RAB27A: variants seen among roughly 807,000 people sequenced by gnomAD.
RAB27A encodes ras-related protein Rab-27A.
In RAB27A, 17 loss-of-function variants were observed where a neutral mutation model predicts 20.8. That is an observed-to-expected ratio of 0.82 (90% confidence interval 0.56 to 1.23). The LOEUF (loss-of-function observed/expected upper bound fraction) is 1.23. Among genes scored for constraint, RAB27A ranks in the 50% most tolerant of loss-of-function variants. The pLI, the probability that RAB27A is intolerant of heterozygous loss-of-function variation, is 0.00. For synonymous variants in RAB27A, 85 were observed against 92.8 expected (o/e 0.92, Z 0.48); for missense variants, 277 against 266.7 (o/e 1.04, Z -0.27).
chr15:55,255,467 C>T (rs1742473908), intron 2 of RAB27A, among the ~76,000 whole-genome samples: 1 of 152,160 alleles, frequency 6.6e-6, no homozygotes, highest in South Asian at 2.1e-4. Context: ...CACTACCCCT[C>T]ACCACTGGAC....
intron 6 of RAB27A, among the ~76,000 whole-genome samples, chr15:55,223,636 A>G (rs938435898): frequency 2.6e-5 from 4 of 152,218 alleles, no homozygotes; most frequent in Non-Finnish European, 5.9e-5. Flanking sequence ...CCTCTGAGAC[A>G]ACTCAAAGTT....
chr15:55,245,976 C>T (rs1896669130), intron 2 of RAB27A, among the ~76,000 whole-genome samples: 1 of 151,974 alleles, frequency 6.6e-6, no homozygotes, highest in Admixed American at 6.6e-5. Flanking sequence ...CCCAGCTACT[C>T]AGGAGGGTGA....
At chr15:55,271,934 A>G (rs1897720542) in intron 1 of RAB27A, among the ~76,000 whole-genome samples, 1 of 152,162 alleles carries the variant, frequency 6.6e-6, no homozygotes, top group Non-Finnish European at 1.5e-5. Context: ...ATGAAATGGA[A>G]TTTTCGTTTC....
Position 55,205,662 on chromosome 15 carries a change from TTA to T in RAB27A, c.509_510del (p.Ile170LysfsTer5), listed in dbSNP as rs775325548. The T allele has an allele frequency of 1.9e-6, 3 of 1,614,044 alleles. No individual in the cohort carries two copies. The East Asian group carries it at 6.7e-5, about 36-fold the overall frequency. On this transcript the variant is annotated frameshift_variant, in exon 7 of 7. Transcript: ENST00000336787. LOFTEE classifies it high-confidence loss of function. ...FETSAANGTN[I>X]SQAIEMLLDL... is the part of the protein sequence containing the mutation. The stretch of plus-strand genomic sequence containing the variant: ...TCCAGAAGCATCTCAATTGCTTGGC[TTA>T]TGTTTGTCCCATTGGCAGCACTAGT...
rs191836207 is a variant in RAB27A, at chr15:55,211,252, T to G, written c.468-5547A>C. 1.2e-4 allele frequency among the ~76,000 whole-genome samples: 18 copies of G among 152,310 alleles called. No homozygotes were observed. The East Asian group carries it at 3.5e-3, about 29-fold the overall frequency. On this transcript the variant is annotated intron_variant, in intron 6 of 6. Coordinates refer to ENST00000336787, the MANE Select transcript of RAB27A (RefSeq NM_183235.3). ...TCAGTTATTGAGGGTCTTTTGTGGT[T>G]CCATATAAATTTTAGGATTTTTTTC... is the stretch of plus-strand genomic sequence containing the variant.
chr15:55,317,344 T>A (rs2055054237), intron 1 of RAB27A: 1 of 181,720 alleles, frequency 5.5e-6, no homozygotes, highest in Admixed American at 6.2e-5. Flanking sequence ...AGATGGAGTC[T>A]CGCTCTGTCA....
chr15:55,225,982 T>TA (rs1170825767), intron 5 of RAB27A, among the ~76,000 whole-genome samples: 1 of 152,174 alleles, frequency 6.6e-6, no homozygotes, highest in East Asian at 1.9e-4. Context: ...TCCAGTTGGT[T>TA]AAAAAATGGG....
chr15:55,222,611 C>T (rs1031952746), intron 6 of RAB27A, among the ~76,000 whole-genome samples: 4 of 152,188 alleles, frequency 2.6e-5, no homozygotes, highest in African/African-American at 9.7e-5. Context: ...ACCTGGCCAA[C>T]CTATCCTCCC....
chr15:55,217,770 A>AC (rs1566902325), intron 6 of RAB27A, among the ~76,000 whole-genome samples: 2 of 150,900 alleles, frequency 1.3e-5, no homozygotes, highest in African/African-American at 4.9e-5. Context: ...TGGTGGTGCT[A>AC]ATGTAGCACC....
At chr15:55,301,282 A>T (rs2054970375) in intron 2 of RAB27A, among the ~76,000 whole-genome samples, 1 of 152,214 alleles carries the variant, frequency 6.6e-6, no homozygotes, top group African/African-American at 2.4e-5. Context: ...TGGTAGAGAC[A>T]GGTTCAACAT....
At chr15:55,220,237 G>T (rs897510681) in intron 6 of RAB27A, among the ~76,000 whole-genome samples, 3 of 150,538 alleles carry the variant, frequency 2.0e-5, no homozygotes, top group East Asian at 1.9e-4. Flanking sequence ...ATGATCTGGG[G>T]TTTTTTTGTT....
chr15:55,290,411 G>T (rs368787793), upstream of RAB27A: 4 of 152,354 alleles, frequency 2.6e-5, no homozygotes, highest in South Asian at 6.2e-4. Context: ...AAATAACATG[G>T]GAGAAAAATA....
intron 1 of RAB27A, chr15:55,288,923 C>T (rs1450316035): frequency 1.3e-5 from 2 of 152,168 alleles, no homozygotes; most frequent in Non-Finnish European, 2.9e-5. Context: ...AATCCCTCTA[C>T]CCCCAATTCC....
intron 1 of RAB27A, among the ~76,000 whole-genome samples, chr15:55,318,167 G>A (rs1595760586): frequency 6.8e-6 from 1 of 147,672 alleles, no homozygotes; most frequent in Admixed American, 6.8e-5. Flanking sequence ...GCGCAATCTC[G>A]GCTCACTGCA....
chr15:55,244,749 A>G (rs576466676), intron 2 of RAB27A, among the ~76,000 whole-genome samples: 1 of 152,334 alleles, frequency 6.6e-6, no homozygotes, highest in Non-Finnish European at 1.5e-5. Context: ...CAAATAGCAC[A>G]GAACATCAGC....
intron 2 of RAB27A, among the ~76,000 whole-genome samples, chr15:55,258,190 G>A (rs1476677340): frequency 2.0e-5 from 3 of 151,726 alleles, no homozygotes; most frequent in Non-Finnish European, 2.9e-5. Flanking sequence ...TAAGAGGTTA[G>A]AACCCTTCTC....
rs1033471588 is a variant in RAB27A at position 55,308,941 on chromosome 15, T to A, written c.-112+5098A>T. Among the ~76,000 whole-genome samples the A allele has an allele frequency of 2.0e-5, 3 of 152,236 alleles. No individual in the cohort carries two copies. In the South Asian group the frequency reaches 6.2e-4, roughly 31 times the overall value. ...CTACATCAATTTCCTTATTCAGGTA[T>A]GCCACGGGTTGCAAGCTCGTCCCTC... On this transcript the variant is annotated intron_variant, in intron 2 of 5. Transcript: ENST00000563262.
At chr15:55,258,924 A>C in intron 2 of RAB27A, among the ~76,000 whole-genome samples, 1 of 152,158 alleles carries the variant, frequency 6.6e-6, no homozygotes, top group East Asian at 1.9e-4. Flanking sequence ...TCCTGCATTC[A>C]AGTGATTCTC....
intron 1 of RAB27A, among the ~76,000 whole-genome samples, chr15:55,272,976 A>T (rs1897751626): frequency 6.6e-6 from 1 of 152,228 alleles, no homozygotes; most frequent in Non-Finnish European, 1.5e-5. Flanking sequence ...TCATCTGCTT[A>T]AAAAGCAGCT....
Sources: gnomAD v4.1 joint callset for allele counts (sites outside exome capture counted in the v4.1 genomes callset) on GRCh38, gnomAD v4.1.1 for gene constraint, MANE v1.5 for transcripts, NCBI Gene and HGNC (gene_info 2026-07-23, HGNC 2026-07-21) for gene names.